Variants in RLF observed in about 807,000 individuals in gnomAD.
RLF encodes the protein RLF zinc finger.
A neutral mutation model predicts 162.9 loss-of-function variants in RLF; 7 were observed. That is an observed-to-expected ratio of 0.04 (90% CI 0.02 to 0.08). RLF has a LOEUF of 0.08. RLF is among the 10% of genes least tolerant of loss of function. The probability of loss-of-function intolerance (pLI) is 1.00; values close to 1 mark genes in which losing one functional copy is unlikely to be tolerated. For missense variants in RLF, 1,664 were observed against 2,244.7 expected (o/e 0.74, Z 5.23); for synonymous variants, 782 against 791.5 (o/e 0.99, Z 0.20).
At chr1:40,233,185 T>C (rs1643174832) in intron 7 of RLF, among the ~76,000 whole-genome samples, 1 of 152,072 alleles carries the variant, frequency 6.6e-6, no homozygotes, top group South Asian at 2.1e-4. Context: ...ATCCCTCACC[T>C]TCCTAGTTTA....
At chr1:40,178,072 ATAGG>A (rs993847739) in intron 1 of RLF, 103 of 151,504 alleles carry the variant, frequency 6.8e-4, no homozygotes, top group African/African-American at 2.4e-3. Flanking sequence ...ATATATATAG[ATAGG>A]TATATAGATA....
chr1:40,183,316 C>G (rs1407858228), intron 1 of RLF, among the ~76,000 whole-genome samples: 1 of 152,196 alleles, frequency 6.6e-6, no homozygotes, highest in African/African-American at 2.4e-5. Context: ...AAACCCCTCT[C>G]TATTAGAAAA....
intron 5 of RLF, among the ~76,000 whole-genome samples, chr1:40,205,702 A>G (rs1008736679): frequency 6.6e-6 from 1 of 152,030 alleles, no homozygotes; most frequent in African/African-American, 2.4e-5. Flanking sequence ...CGTGTCAGCC[A>G]AGATGGTCTC....
rs1341166191 is a variant in RLF at position 40,172,418 on chromosome 1, C to G, written c.237+10782C>G. Reference sequence around the variant, plus strand: ...ATTTGTGTTATTTTGTTATTATAAACAGTGTCCCATGAACTTCCTTAAATA... The same window carrying G: ...ATTTGTGTTATTTTGTTATTATAAAGAGTGTCCCATGAACTTCCTTAAATA... On this transcript the variant is annotated intron_variant, in intron 1 of 7. Coordinates refer to ENST00000372771, the MANE Select transcript of RLF (RefSeq NM_012421.4). Among the ~76,000 whole-genome samples the G allele has an allele frequency of 7.2e-5, 11 of 152,190 alleles. 1 individual carries two copies. The highest frequency in any genetic ancestry group is 1.5e-5 in the Non-Finnish European group (1 of 68,028).
At position 40,161,437 on chromosome 1, in the gene RLF, G is replaced by C; in HGVS notation, c.38G>C (p.Gly13Ala). 6.4e-7 allele frequency: 1 copy of C among 1,565,888 alleles called. No individual in the cohort carries two copies. The highest frequency in any genetic ancestry group is 2.1e-5 in the Admixed American group (1 of 48,176). Residue 13 changes from glycine (G) to alanine (A), a missense_variant, in exon 1 of 8, where the codon GGG (glycine) becomes GCG (alanine). Physicochemically the swap from Gly to Ala is moderately conservative, Grantham distance 60. Transcript: ENST00000372771. This position sits in a 1 kb window ranked among gnomAD's most constrained non-coding sequence, Gnocchi z 4.4. ...DGKGDAAAVA[G>A]AGAEAPAVAG... is the part of the protein sequence containing the mutation. ...AAGGGAGACGCCGCCGCTGTCGCCGGGGCTGGGGCTGAGGCTCCGGCGGTA... is the reference window on the plus strand; with the variant it reads ...AAGGGAGACGCCGCCGCTGTCGCCGCGGCTGGGGCTGAGGCTCCGGCGGTA...
In RLF at chr1:40,165,787, C is replaced by A. The variant is rs182407716; in HGVS notation, c.237+4151C>A. 1.6e-4 allele frequency among the ~76,000 whole-genome samples: 24 copies of A among 152,204 alleles called. No individual in the cohort carries two copies. The East Asian group carries it at 2.7e-3, about 17-fold the overall frequency. ...CCTAAAATACCTCAATTCCTCCCCC[C>A]CCTCCGCCAAAGGAAAGATAAAGTT... On this transcript the variant is annotated intron_variant, in intron 1 of 7. Coordinates refer to ENST00000372771, the MANE Select transcript of RLF (RefSeq NM_012421.4).
intron 5 of RLF, among the ~76,000 whole-genome samples, chr1:40,216,476 G>A (rs1467847551): frequency 8.9e-5 from 13 of 146,586 alleles, no homozygotes; most frequent in Non-Finnish European, 1.6e-4. Context: ...CAACAAGAGC[G>A]AAACTCTGTC....
At position 40,233,958 on chromosome 1, in the gene RLF, C is replaced by CT. The variant is rs1056664130; in HGVS notation, c.1090-1826dup. ...TTCTACTCTTCAGGCCAAATATCTT[C>CT]TTTTTTTTGAGACGGAGTCTCACTC... On this transcript the variant is annotated intron_variant, in intron 7 of 7. Transcript: ENST00000372771. Among the ~76,000 whole-genome samples, 10 of 152,042 alleles carry CT rather than the reference C, an allele frequency of 6.6e-5. No individual in the cohort carries two copies. The East Asian group carries it at 7.7e-4, about 12-fold the overall frequency.
intron 6 of RLF, among the ~76,000 whole-genome samples, chr1:40,224,919 G>A (rs973597129): frequency 7.3e-5 from 11 of 151,560 alleles, no homozygotes; most frequent in Admixed American, 6.6e-4. Context: ...CCTGGGAGGC[G>A]GAGGTTGCAG....
chr1:40,200,993 T>C (rs1642708092), intron 4 of RLF, among the ~76,000 whole-genome samples: 1 of 88,156 alleles, frequency 1.1e-5, no homozygotes, highest in African/African-American at 4.6e-5. Flanking sequence ...ACCCCAGTGG[T>C]TTATCCTTAG....
intron 1 of RLF, among the ~76,000 whole-genome samples, chr1:40,162,004 A>G (rs984433400): frequency 6.6e-6 from 1 of 152,168 alleles, no homozygotes; most frequent in African/African-American, 2.4e-5. Context: ...AGTGGAGTGC[A>G]GATCTCCGAA....
At chr1:40,165,807 A>G (rs1309255610) in intron 1 of RLF, among the ~76,000 whole-genome samples, 2 of 152,148 alleles carry the variant, frequency 1.3e-5, no homozygotes, top group African/African-American at 4.8e-5. Context: ...AAGGAAAGAT[A>G]AAGTTCAAAC....
At chr1:40,168,289 C>T (rs1440579602) in intron 1 of RLF, among the ~76,000 whole-genome samples, 1 of 152,142 alleles carries the variant, frequency 6.6e-6, no homozygotes. Context: ...TTCTCTGTTG[C>T]CCAGGCTGGA....
At position 40,161,435 on chromosome 1, in the gene RLF, C is replaced by T. The variant is rs557592996; in HGVS notation, c.36C>T (p.Ala12=). Residue 12 remains alanine, a synonymous_variant, in exon 1 of 8, where the codon GCC becomes GCT. Coordinates refer to ENST00000372771, the MANE Select transcript of RLF (RefSeq NM_012421.4). This position sits in a 1 kb window ranked among gnomAD's most constrained non-coding sequence, Gnocchi z 4.4. The stretch of plus-strand genomic sequence containing the variant: ...GAAAGGGAGACGCCGCCGCTGTCGC[C>T]GGGGCTGGGGCTGAGGCTCCGGCGG... ...ADGKGDAAAV[A]GAGAEAPAVA... is the part of the protein sequence containing the mutation. 1.6e-4 allele frequency: 249 copies of T among 1,558,938 alleles called. No homozygotes were observed. The highest frequency in any genetic ancestry group is 2.3e-4 in the South Asian group (20 of 85,412).
At chr1:40,205,681 C>T (rs1279311974) in intron 5 of RLF, among the ~76,000 whole-genome samples, 3 of 151,880 alleles carry the variant, frequency 2.0e-5, no homozygotes, top group African/African-American at 7.3e-5. Flanking sequence ...TTAGTAGAGA[C>T]GGGGTTTCAC....
chr1:40,199,376 A>G (rs1237734467), intron 4 of RLF, among the ~76,000 whole-genome samples: 6 of 152,096 alleles, frequency 3.9e-5, no homozygotes, highest in African/African-American at 1.4e-4. Flanking sequence ...TTAAACATTT[A>G]CTCCGTGTTT....
At position 40,213,258 on chromosome 1, in the gene RLF, G is replaced by C. The variant is rs1033360748; in HGVS notation, c.811-9316G>C. On this transcript the variant is annotated intron_variant, in intron 5 of 7. Transcript: ENST00000372771. Reference sequence around the variant, plus strand: ...TTGTATGCATCTGGATCTCACTTCTGATCTTACTTTCATGGGTTATGTGTG... The same window carrying C: ...TTGTATGCATCTGGATCTCACTTCTCATCTTACTTTCATGGGTTATGTGTG... Among the ~76,000 whole-genome samples, 5 of 152,300 alleles carry C rather than the reference G, an allele frequency of 3.3e-5. 1 individual carries two copies. The highest frequency in any genetic ancestry group is 1.2e-4 in the African/African-American group (5 of 41,566).
At chr1:40,162,341 G>A (rs1427462102) in intron 1 of RLF, among the ~76,000 whole-genome samples, 2 of 151,982 alleles carry the variant, frequency 1.3e-5, no homozygotes, top group Admixed American at 6.6e-5. Context: ...TCATTTCTGT[G>A]CCTTGGTGGG....
intron 5 of RLF, among the ~76,000 whole-genome samples, chr1:40,220,807 G>T (rs1376845953): frequency 1.3e-5 from 2 of 152,016 alleles, no homozygotes; most frequent in Non-Finnish European, 2.9e-5. Context: ...TCTAGCTGGA[G>T]AGCCATAGTG....
Sources: gnomAD v4.1 joint callset for allele counts (sites outside exome capture counted in the v4.1 genomes callset) on GRCh38, gnomAD v4.1.1 for gene constraint, Gnocchi (gnomAD v3.1) non-coding constraint, MANE v1.5 for transcripts, NCBI Gene and HGNC (gene_info 2026-07-23, HGNC 2026-07-21) for gene names.